CDC45: variants seen among roughly 807,000 people sequenced by gnomAD.
CDC45 encodes cell division cycle 45.
Under a neutral mutation model 77.8 loss-of-function variants are expected in CDC45, and 54 were observed. The observed-to-expected ratio is 0.69, with a 90% CI of 0.56 to 0.87. CDC45 has a LOEUF of 0.87. CDC45 is among the 40% of genes least tolerant of loss of function. The pLI, the probability that CDC45 is intolerant of heterozygous loss-of-function variation, is 0.00. For missense variants in CDC45, 649 were observed against 721.6 expected, an observed-to-expected ratio of 0.90 and a Z score of 1.15; for synonymous variants, 260 against 272.1, an observed-to-expected ratio of 0.96 and a Z score of 0.44.
intron 1 of CDC45, 47 bp downstream of exon 1, chr22:19,480,066 G>A (rs1409771448): frequency 1.7e-5 from 27 of 1,613,026 alleles, no homozygotes; most frequent in Non-Finnish European, 2.2e-5. Context: ...CGGTGGGGAA[G>A]GGATGAGGGG....
intron 6 of CDC45, among the ~76,000 whole-genome samples, chr22:19,495,378 C>T (rs1275083871): frequency 6.6e-6 from 1 of 152,210 alleles, no homozygotes; most frequent in Non-Finnish European, 1.5e-5. Flanking sequence ...GTGCACACAG[C>T]AAGTTTTGTC....
intron 5 of CDC45, among the ~76,000 whole-genome samples, chr22:19,484,800 C>T (rs2090040041): frequency 1.3e-5 from 2 of 152,210 alleles, no homozygotes; most frequent in South Asian, 4.1e-4. Flanking sequence ...AGGCATGCTT[C>T]TCTCTTCTTT....
intron 18 of CDC45, among the ~76,000 whole-genome samples, chr22:19,519,236 G>A (rs530980768): frequency 2.6e-5 from 4 of 152,328 alleles, no homozygotes; most frequent in African/African-American, 7.2e-5. Context: ...TGCTGCCCTC[G>A]AAGGCCACCT....
Position 19,496,030 on chromosome 22 carries a change from G to A in CDC45, c.591+1G>A. The A allele has an allele frequency of 6.3e-7, 1 of 1,597,562 alleles. No individual in the cohort carries two copies. Among genetic ancestry groups the A allele is most frequent in the Non-Finnish European group, 8.6e-7 (1 of 1,165,186 alleles). ...GCAGTATGAATATCATGGGACATCG[G>A]TAAGTATGAATAGGTGGAACTCACT... On this transcript the variant is annotated splice_donor_variant, in intron 7 of 18. Coordinates refer to ENST00000263201, the MANE Select transcript of CDC45 (RefSeq NM_003504.5). LOFTEE classifies it high-confidence loss of function.
chr22:19,491,908 G>A (rs1184948316), intron 5 of CDC45, among the ~76,000 whole-genome samples: 4 of 151,784 alleles, frequency 2.6e-5, no homozygotes, highest in African/African-American at 9.7e-5. Context: ...CTGGGTTCAA[G>A]CAATTCTGCC....
At chr22:19,491,136 C>T (rs559980988) in intron 5 of CDC45, among the ~76,000 whole-genome samples, 79 of 152,234 alleles carry the variant, frequency 5.2e-4, no homozygotes, top group African/African-American at 1.8e-3. Flanking sequence ...CTTGTCTTCT[C>T]TTAATGTCTT....
At chr22:19,519,256 T>C (rs12167275) in intron 18 of CDC45, among the ~76,000 whole-genome samples, 14,880 of 152,266 alleles carry the variant, frequency 0.098, 2,412 homozygotes, top group African/African-American at 0.34. Context: ...TGGAGCCTCC[T>C]GTCCCACAGC....
At chr22:19,483,111 C>T (rs1300769313) in intron 4 of CDC45, among the ~76,000 whole-genome samples, 1 of 152,138 alleles carries the variant, frequency 6.6e-6, no homozygotes, top group African/African-American at 2.4e-5. Flanking sequence ...CCACCACGCC[C>T]AGCAAATATT....
intron 8 of CDC45, 123 bp downstream of exon 8, chr22:19,497,570 C>T (rs2090265254): frequency 5.1e-6 from 4 of 787,650 alleles, no homozygotes; most frequent in Non-Finnish European, 8.7e-6. Context: ...TCAGATGCAG[C>T]CCCTTTCTGG....
Position 19,483,987 on chromosome 22 carries a change from G to T in CDC45, c.468G>T (p.Lys156Asn). 1.2e-6 allele frequency: 2 copies of T among 1,607,644 alleles called. No homozygotes were observed. The highest frequency in any genetic ancestry group is 2.2e-5 in the South Asian group (2 of 89,628). ...NDSDGSEPSE[K>N]RTRLEEEIVE... Reference sequence around the variant, plus strand: ...GTGATGGGTCAGAGCCTTCTGAGAAGCGCACACGGTTAGAAGAGGTGAGTT... The same window carrying T: ...GTGATGGGTCAGAGCCTTCTGAGAATCGCACACGGTTAGAAGAGGTGAGTT... Residue 156 changes from lysine (K) to asparagine (N), a missense_variant, in exon 5 of 19, where the codon AAG becomes AAT. Lys to Asn is a moderately conservative substitution (Grantham distance 94, BLOSUM62 0). Coordinates refer to ENST00000263201, the MANE Select transcript of CDC45 (RefSeq NM_003504.5).
Position 19,482,763 on chromosome 22 carries a change from C to G in CDC45, c.278C>G (p.Thr93Ser). Residue 93 changes from threonine to serine, a missense_variant, in exon 4 of 19, where the codon ACT becomes AGT. Coordinates refer to ENST00000263201, the MANE Select transcript of CDC45 (RefSeq NM_003504.5). ...LLDILQPDED[T>S]IFFVCDTHRP... is the part of the protein sequence containing the mutation. ...GATATTCTTCAACCTGATGAAGACACTATATTCTTTGTGTGTGACACCCAT... is the reference window on the plus strand; with the variant it reads ...GATATTCTTCAACCTGATGAAGACAGTATATTCTTTGTGTGTGACACCCAT... 6.2e-7 allele frequency: 1 copy of G among 1,611,724 alleles called. No individual in the cohort carries two copies. The highest frequency in any genetic ancestry group is 1.1e-5 in the South Asian group (1 of 91,020).
rs13447299 is a variant in CDC45 at position 19,520,083 on chromosome 22, TGCA to T, written c.*2-395_*2-393del. Among the ~76,000 whole-genome samples, 4,320 of 152,170 alleles carry T rather than the reference TGCA, an allele frequency of 0.028. 220 individuals carry two copies. Among genetic ancestry groups the T allele is most frequent in the African/African-American group, 0.098 (4,057 of 41,502 alleles). On this transcript the variant is annotated intron_variant, in intron 18 of 18. Coordinates refer to ENST00000263201, the MANE Select transcript of CDC45 (RefSeq NM_003504.5). This position sits in a 1 kb window ranked among gnomAD's most constrained non-coding sequence, Gnocchi z 4.5. Reference sequence around the variant, plus strand: ...GGGTGCTAGAGGCAAACCCCTCCCCTGCAGCCTGCTTGGTGGTGATGTTATGCT... The same window carrying T: ...GGGTGCTAGAGGCAAACCCCTCCCCTGCCTGCTTGGTGGTGATGTTATGCT...
intron 13 of CDC45, among the ~76,000 whole-genome samples, chr22:19,509,444 A>C (rs904113763): frequency 6.6e-6 from 1 of 152,232 alleles, no homozygotes; most frequent in South Asian, 2.1e-4. Context: ...GAATTGTTGC[A>C]GTCCTAAAGA....
chr22:19,480,555 G>A (rs1056035552), intron 2 of CDC45, among the ~76,000 whole-genome samples: 3 of 152,222 alleles, frequency 2.0e-5, no homozygotes, highest in African/African-American at 7.2e-5. Flanking sequence ...ATTTGAGAGA[G>A]AGGAATCTGT....
At position 19,515,029 on chromosome 22, in the gene CDC45, T is replaced by C; in HGVS notation, c.1421T>C (p.Leu474Pro). 6.2e-7 allele frequency: 1 copy of C among 1,610,878 alleles called. No homozygotes were observed. The highest frequency in any genetic ancestry group is 8.5e-7 in the Non-Finnish European group (1 of 1,177,750). ...ASLSLLSKHL[L>P]KSFVCSTKNR... ...CTAAGCCTGCTCAGCAAACACCTGC[T>C]CAAGTCCTTTGTGTGTTCGGTGAGG... The change falls in exon 15 of 19, where the codon CTC becomes CCC. Residue 474 changes from leucine (L) to proline (P), a missense_variant. Physicochemically the swap from Leu to Pro is moderately conservative, Grantham distance 98. Coordinates refer to ENST00000263201, the MANE Select transcript of CDC45 (RefSeq NM_003504.5).
At chr22:19,492,494 C>T (rs903627636) in intron 5 of CDC45, among the ~76,000 whole-genome samples, 14 of 151,946 alleles carry the variant, frequency 9.2e-5, no homozygotes, top group Non-Finnish European at 1.2e-4. Flanking sequence ...TGAGGCTTCC[C>T]GGCTTTCATT....
In CDC45 at chr22:19,480,020, G is replaced by GTGAC. The variant is rs776344629; in HGVS notation, c.51+2_51+5dup. The GTGAC allele has an allele frequency of 1.2e-6, 2 of 1,613,968 alleles. No homozygotes were observed. The highest frequency in any genetic ancestry group is 2.2e-5 in the South Asian group (2 of 91,092). On this transcript the variant is annotated splice_donor_variant, in intron 1 of 18. Coordinates refer to ENST00000263201, the MANE Select transcript of CDC45 (RefSeq NM_003504.5). LOFTEE classifies it high-confidence loss of function. The stretch of plus-strand genomic sequence containing the variant: ...GTTCTACGAGGTGGTCCAGAGCCAG[G>GTGAC]TGACGCCCAGTCCGGGACCCCCGCC...
In CDC45 at chr22:19,497,366, A is replaced by G. The variant is rs574622002; in HGVS notation, c.592-20A>G. ...CACATGCCCCTCCCATGAGCCTTAG[A>G]CTTCTCTGCTTCCTTACAGTCAGCC... On this transcript the variant is annotated intron_variant, in intron 7 of 18. Coordinates refer to ENST00000263201, the MANE Select transcript of CDC45 (RefSeq NM_003504.5). 1.0e-4 allele frequency: 168 copies of G among 1,613,252 alleles called. No individual in the cohort carries two copies. In the South Asian group the frequency reaches 1.8e-3, roughly 17 times the overall value.
Position 19,516,601 on chromosome 22 carries a change from C to T in CDC45, c.1515C>T (p.Thr505=), listed in dbSNP as rs776682487. Residue 505 remains threonine, a synonymous_variant, in exon 16 of 19, where the codon ACC becomes ACT. Transcript: ENST00000263201. ...APLSMEHGTV[T]VVGIPPETDS... ...TGAGCATGGAGCATGGCACAGTGAC[C>T]GTGGTGGGCATCCCCCCAGAGACCG... 29 of 1,613,874 alleles carry T rather than the reference C, an allele frequency of 1.8e-5. No homozygotes were observed. The highest frequency in any genetic ancestry group is 1.6e-4 in the Middle Eastern group (1 of 6,084).
Sources: allele counts gnomAD v4.1 joint callset (sites outside exome capture counted in the v4.1 genomes callset), GRCh38; gene constraint gnomAD v4.1.1; non-coding constraint Gnocchi (gnomAD v3.1); transcripts MANE v1.5; gene names NCBI Gene and HGNC (gene_info 2026-07-23, HGNC 2026-07-21).